Variants in RAB38 observed in about 807,000 individuals in gnomAD.
The protein encoded by RAB38 is RAB38, member RAS oncogene family, also known as ras-related protein Rab-38.
RAB38 carries 15 observed loss-of-function variants against 18.4 expected under a neutral mutation model. The ratio of observed to expected loss-of-function variants is 0.82; its 90% CI spans 0.55 to 1.26. The LOEUF is 1.26. Among genes scored for constraint, RAB38 ranks in the 50% most tolerant of loss-of-function variants. RAB38 has a pLI of 0.00. For missense variants in RAB38, 294 were observed against 267.4 expected (o/e 1.10, Z -0.69); for synonymous variants, 101 against 104.4 (o/e 0.97, Z 0.20).
chr11:88,026,804 T>A, the RAB38 span, among the ~76,000 whole-genome samples: 1 of 152,126 alleles, frequency 6.6e-6, no homozygotes, highest in Non-Finnish European at 1.5e-5. Context: ...AATCATTAAT[T>A]GGTACTAAAA....
the RAB38 span, among the ~76,000 whole-genome samples, chr11:88,028,060 G>C: frequency 6.6e-6 from 1 of 152,162 alleles, no homozygotes; most frequent in East Asian, 1.9e-4. Flanking sequence ...ACAGCAGCAT[G>C]CACGGTTCAA....
At chr11:87,891,334 C>T in the RAB38 span, among the ~76,000 whole-genome samples, 1 of 151,616 alleles carries the variant, frequency 6.6e-6, no homozygotes, top group Non-Finnish European at 1.5e-5. Flanking sequence ...AGATATAATC[C>T]CTGACCCTGA....
At chr11:88,011,325 T>G in the RAB38 span, among the ~76,000 whole-genome samples, 1 of 152,226 alleles carries the variant, frequency 6.6e-6, no homozygotes, top group Admixed American at 6.5e-5. Flanking sequence ...GTTCTTGTTT[T>G]TATTAAAATT....
chr11:87,972,238 T>C, the RAB38 span, among the ~76,000 whole-genome samples: 2 of 152,078 alleles, frequency 1.3e-5, no homozygotes, highest in African/African-American at 4.8e-5. Context: ...GCAAGGTGAT[T>C]ACACCTCCTC....
chr11:87,842,024 C>T, the RAB38 span, among the ~76,000 whole-genome samples: 3 of 152,114 alleles, frequency 2.0e-5, no homozygotes, highest in South Asian at 4.2e-4. Context: ...CACTTTGTCA[C>T]AGAAAGGGAA....
chr11:87,869,707 T>C, the RAB38 span, among the ~76,000 whole-genome samples: 1 of 151,646 alleles, frequency 6.6e-6, no homozygotes, highest in Non-Finnish European at 1.5e-5. Context: ...TGTAATTGTT[T>C]GTTTGTATTC....
chr11:87,873,162 C>T, the RAB38 span, among the ~76,000 whole-genome samples: 3 of 151,478 alleles, frequency 2.0e-5, no homozygotes, highest in South Asian at 2.1e-4. Flanking sequence ...GTAATAATAT[C>T]TCATGGTTGT....
chr11:88,108,626 C>A (rs1339141357), downstream of RAB38, among the ~76,000 whole-genome samples: 3 of 152,140 alleles, frequency 2.0e-5, no homozygotes, highest in African/African-American at 7.2e-5. Context: ...TTAATTGGGG[C>A]ATGTAGCCCA....
At chr11:87,871,998 A>C in the RAB38 span, among the ~76,000 whole-genome samples, 2 of 151,596 alleles carry the variant, frequency 1.3e-5, no homozygotes, top group Non-Finnish European at 3.0e-5. Flanking sequence ...ATATATATAC[A>C]TCAAAGAACA....
At chr11:88,080,290 TACA>T in the RAB38 span, among the ~76,000 whole-genome samples, 2 of 151,910 alleles carry the variant, frequency 1.3e-5, no homozygotes, top group East Asian at 3.9e-4. Flanking sequence ...TTTAAAATAT[TACA>T]ACGATGTAAA....
At chr11:87,898,098 A>C in the RAB38 span, among the ~76,000 whole-genome samples, 4 of 151,642 alleles carry the variant, frequency 2.6e-5, no homozygotes, top group Admixed American at 6.6e-5. Context: ...TCAGGTGAAT[A>C]AACTAATAAC....
At chr11:88,022,691 C>G in the RAB38 span, among the ~76,000 whole-genome samples, 1 of 149,268 alleles carries the variant, frequency 6.7e-6, no homozygotes, top group African/African-American at 2.5e-5. Flanking sequence ...TGGCCTCCAG[C>G]TCCACTCATC....
the RAB38 span, among the ~76,000 whole-genome samples, chr11:88,007,764 C>A: frequency 6.6e-6 from 1 of 151,938 alleles, no homozygotes; most frequent in Non-Finnish European, 1.5e-5. Flanking sequence ...CATATGTCCA[C>A]AACATATATG....
At chr11:87,832,863 C>T in the RAB38 span, among the ~76,000 whole-genome samples, 1 of 151,784 alleles carries the variant, frequency 6.6e-6, no homozygotes, top group Non-Finnish European at 1.5e-5. Context: ...CGTAACGTAT[C>T]ACAAGTTCCA....
downstream of RAB38, among the ~76,000 whole-genome samples, chr11:88,109,316 A>G (rs939777232): frequency 6.6e-6 from 1 of 152,226 alleles, no homozygotes; most frequent in Non-Finnish European, 1.5e-5. Context: ...CTGGCTAGCC[A>G]CATGCAGAAA....
At chr11:87,845,004 C>A in the RAB38 span, among the ~76,000 whole-genome samples, 6 of 152,148 alleles carry the variant, frequency 3.9e-5, no homozygotes, top group African/African-American at 1.4e-4. Flanking sequence ...CCAAATCATG[C>A]ATATTTATAA....
chr11:87,897,133 T>C, the RAB38 span, among the ~76,000 whole-genome samples: 1 of 151,506 alleles, frequency 6.6e-6, no homozygotes, highest in East Asian at 2.0e-4. Flanking sequence ...TAAACATGAG[T>C]TTAAAATAAT....
chr11:87,834,486 C>T, the RAB38 span, among the ~76,000 whole-genome samples: 26 of 152,176 alleles, frequency 1.7e-4, 2 homozygotes, highest in South Asian at 5.4e-3. Context: ...AAAACTAATA[C>T]AGAGATTAAG....
At chr11:87,977,997 AT>A in the RAB38 span, among the ~76,000 whole-genome samples, 5 of 99,318 alleles carry the variant, frequency 5.0e-5, no homozygotes, top group Non-Finnish European at 7.3e-5. Context: ...CTTATAAACT[AT>A]TATTTTAATA....
Sources: allele counts gnomAD v4.1 joint callset (sites outside exome capture counted in the v4.1 genomes callset), GRCh38; gene constraint gnomAD v4.1.1; transcripts MANE v1.5; gene names NCBI Gene and HGNC (gene_info 2026-07-23, HGNC 2026-07-21).